PATJ: variants seen among roughly 807,000 people sequenced by gnomAD.
PATJ encodes PATJ crumbs cell polarity complex component, also known as inaD-like protein.
PATJ carries 190 observed loss-of-function variants against 224.9 expected under a neutral mutation model. The observed-to-expected ratio is 0.84, with a 90% CI of 0.75 to 0.95. The LOEUF is 0.95. Ranked by LOEUF, PATJ falls within the 40% of genes least tolerant of loss-of-function variation. The probability of loss-of-function intolerance (pLI) is 0.00; values close to 1 mark genes in which losing one functional copy is unlikely to be tolerated. For missense variants in PATJ, 2,121 were observed against 2,270.3 expected (o/e 0.93, Z 1.34); for synonymous variants, 769 against 820.3 (o/e 0.94, Z 1.07).
intron 31 of PATJ, among the ~76,000 whole-genome samples, chr1:62,053,676 G>A (rs988093913): frequency 2.6e-5 from 4 of 151,924 alleles, no homozygotes; most frequent in Non-Finnish European, 5.9e-5. Context: ...CCGAGATCGC[G>A]CCATTGCACT....
chr1:61,768,047 C>T (rs1646388605), intron 4 of PATJ, among the ~76,000 whole-genome samples: 1 of 151,996 alleles, frequency 6.6e-6, no homozygotes, highest in Admixed American at 6.6e-5. Context: ...ATGAAGTTCT[C>T]ATAAGTGCAG....
At position 61,833,707 on chromosome 1, in the gene PATJ, A is replaced by C; in HGVS notation, c.2034A>C (p.Ala678=). ...AAGAAGATGATGATGGGGAATTAGC[A>C]CTGTGGTCCCCTGAAGTCAAGATTG... is the stretch of plus-strand genomic sequence containing the variant. The part of the protein sequence containing the change: ...NTEEDDDGEL[A]LWSPEVKIVE... The change falls in exon 17 of 44, where the codon GCA becomes GCC. Residue 678 remains alanine (A), a synonymous_variant. Coordinates refer to ENST00000642238, the MANE Select transcript of PATJ (RefSeq NM_001350145.3). 2 of 1,613,340 alleles carry C rather than the reference A, an allele frequency of 1.2e-6. No homozygotes were observed. The highest frequency in any genetic ancestry group is 1.7e-6 in the Non-Finnish European group (2 of 1,179,378).
intron 1 of PATJ, among the ~76,000 whole-genome samples, chr1:61,761,186 A>C (rs1265904722): frequency 6.6e-6 from 1 of 152,134 alleles, no homozygotes; most frequent in African/African-American, 2.4e-5. Flanking sequence ...TTTGTTGCAC[A>C]GGCTGGTCTC....
chr1:61,904,987 C>G (rs376224930), intron 24 of PATJ, among the ~76,000 whole-genome samples: 1 of 152,108 alleles, frequency 6.6e-6, no homozygotes, highest in Non-Finnish European at 1.5e-5. Context: ...CTTTGGGAGG[C>G]GGAGGCAGGA....
chr1:61,952,083 G>A (rs2149388036), intron 27 of PATJ: 1 of 379,932 alleles, frequency 2.6e-6, no homozygotes, highest in South Asian at 6.1e-5. Flanking sequence ...GCATCCAAGG[G>A]TCTGATGTGG....
chr1:61,775,292 C>A lies in PATJ; in HGVS notation c.807C>A (p.Gly269=), dbSNP rs772692887. 6.2e-7 allele frequency: 1 copy of A among 1,613,590 alleles called. No homozygotes were observed. Among genetic ancestry groups the A allele is most frequent in the African/African-American group, 1.3e-5 (1 of 74,894 alleles). The change falls in exon 7 of 44, where the codon GGC becomes GGA. Residue 269 remains glycine, a synonymous_variant. Transcript: ENST00000642238. ...GAATAGTTGGAGGAAAAACAAGTGG[C>A]GTGGTTGTGAGGACTATAGTTCCTG... The part of the protein sequence containing the change: ...GFGIVGGKTS[G]VVVRTIVPGG...
At chr1:62,087,785 C>A (rs371061310) in intron 33 of PATJ, among the ~76,000 whole-genome samples, 4 of 151,844 alleles carry the variant, frequency 2.6e-5, no homozygotes, top group East Asian at 1.9e-4. Context: ...AATTTATGTC[C>A]TGAATTCTCC....
At chr1:61,860,310 C>T (rs1262044404) in intron 18 of PATJ, among the ~76,000 whole-genome samples, 1 of 152,114 alleles carries the variant, frequency 6.6e-6, no homozygotes, top group Admixed American at 6.5e-5. Flanking sequence ...ATGCTTCTGC[C>T]TCAGCCTCCC....
intron 34 of PATJ, 120 bp from the exon 35 acceptor site, chr1:62,113,933 C>A: frequency 1.0e-6 from 1 of 981,716 alleles, no homozygotes; most frequent in Non-Finnish European, 1.5e-6. Flanking sequence ...ACCTGTTTGC[C>A]TTGAGATTGG....
intron 35 of PATJ, among the ~76,000 whole-genome samples, chr1:62,115,627 A>G (rs186557799): frequency 1.4e-5 from 2 of 148,016 alleles, no homozygotes; most frequent in East Asian, 3.9e-4. Context: ...GGTATCTAGT[A>G]TGTATTTATC....
At chr1:62,009,580 A>G (rs1646305242) in intron 28 of PATJ, among the ~76,000 whole-genome samples, 1 of 147,438 alleles carries the variant, frequency 6.8e-6, no homozygotes, top group African/African-American at 2.4e-5. Flanking sequence ...TTCTTAAGAT[A>G]ACAATGACAT....
chr1:61,873,387 T>G (rs540408151), intron 20 of PATJ, among the ~76,000 whole-genome samples: 1 of 135,164 alleles, frequency 7.4e-6, no homozygotes, highest in South Asian at 2.4e-4. Flanking sequence ...CCAGCTTGTC[T>G]CAAACTCCTG....
rs894686924 is a variant in PATJ at position 61,982,568 on chromosome 1, G to T, written c.3671-7600G>T. 2.0e-5 allele frequency among the ~76,000 whole-genome samples: 3 copies of T among 151,972 alleles called. 1 individual carries two copies. The highest frequency in any genetic ancestry group is 7.3e-5 in the African/African-American group (3 of 41,264). On this transcript the variant is annotated intron_variant, in intron 27 of 43. Coordinates refer to ENST00000642238, the MANE Select transcript of PATJ (RefSeq NM_001350145.3). ...TGAAATGTTTCTTTCATATAAGGAG[G>T]TATTGTGACCATGTGAGGATTCTGA...
intron 26 of PATJ, among the ~76,000 whole-genome samples, chr1:61,919,813 A>G (rs1674020083): frequency 6.6e-6 from 1 of 152,078 alleles, no homozygotes; most frequent in South Asian, 2.1e-4. Flanking sequence ...TTATTTTCTA[A>G]TTTAGCTATA....
rs201597593 is a variant in PATJ, at chr1:61,908,363, G to C, written c.3382-9G>C. The C allele has an allele frequency of 1.4e-5, 23 of 1,591,744 alleles. No homozygotes were observed. The Admixed American group carries it at 2.0e-4, about 14-fold the overall frequency. ...GTTCTAATTGAAATAACTTGCTTCT[G>C]TGTTTCAGGTGTCTGGAGTAGATTT... On this transcript the variant is annotated splice_polypyrimidine_tract_variant and intron_variant, in intron 24 of 43. Coordinates refer to ENST00000642238, the MANE Select transcript of PATJ (RefSeq NM_001350145.3).
intron 11 of PATJ, 144 bp from the exon 12 acceptor site, chr1:61,801,477 TAA>T (rs992619935): frequency 1.5e-5 from 7 of 452,804 alleles, no homozygotes; most frequent in East Asian, 1.3e-4. Flanking sequence ...ATCATATATA[TAA>T]GTTACCTCAG....
At position 62,018,803 on chromosome 1, in the gene PATJ, A is replaced by G. The variant is rs1352368514; in HGVS notation, c.3959+856A>G. On this transcript the variant is annotated intron_variant, in intron 29 of 43. Transcript: ENST00000642238. This position sits in a 1 kb window ranked among gnomAD's most constrained non-coding sequence, Gnocchi z 4.2. ...CTGCTATTTTAGGATTATGACAATC[A>G]TTATTATTCTTCCCTTTCTCGTTAG... is the stretch of plus-strand genomic sequence containing the variant. 6.6e-6 allele frequency among the ~76,000 whole-genome samples: 1 copy of G among 152,184 alleles called. No homozygotes were observed. The highest frequency in any genetic ancestry group is 1.9e-4 in the East Asian group (1 of 5,182).
Position 62,102,238 on chromosome 1 carries a change from T to A in PATJ, c.4378-6199T>A, listed in dbSNP as rs117929177. 1.2e-3 allele frequency among the ~76,000 whole-genome samples: 183 copies of A among 152,188 alleles called. 3 individuals carry two copies. The East Asian group carries it at 0.027, about 23-fold the overall frequency. On this transcript the variant is annotated intron_variant, in intron 33 of 43. Coordinates refer to ENST00000642238, the MANE Select transcript of PATJ (RefSeq NM_001350145.3). The stretch of plus-strand genomic sequence containing the variant: ...AACGTTCAAAAGGAAATCACTGGTC[T>A]TGTCTGAAGCAGTAAATAAACAGGT...
intron 17 of PATJ, among the ~76,000 whole-genome samples, chr1:61,854,516 C>T (rs141433355): frequency 2.6e-5 from 4 of 152,208 alleles, no homozygotes; most frequent in African/African-American, 7.2e-5. Flanking sequence ...CTTTGTTTCC[C>T]GTTTCTTCTG....
Sources: gnomAD v4.1 joint callset for allele counts (sites outside exome capture counted in the v4.1 genomes callset) on GRCh38, gnomAD v4.1.1 for gene constraint, Gnocchi (gnomAD v3.1) non-coding constraint, MANE v1.5 for transcripts, NCBI Gene and HGNC (gene_info 2026-07-23, HGNC 2026-07-21) for gene names.